The following ANO4 variants were observed in gnomAD, a reference collection of about 807,000 sequenced individuals.
ANO4 encodes anoctamin-4.
A neutral mutation model predicts 141.9 loss-of-function variants in ANO4; 69 were observed. That is an observed-to-expected ratio of 0.49 (90% CI 0.40 to 0.59). The LOEUF (loss-of-function observed/expected upper bound fraction) is 0.59. ANO4 is among the 20% of genes least tolerant of loss of function. ANO4 has a pLI of 0.00. For missense variants in ANO4, 894 were observed against 1,162.2 expected, an observed-to-expected ratio of 0.77 and a Z score of 3.36; for synonymous variants, 350 against 394.3, an observed-to-expected ratio of 0.89 and a Z score of 1.33.
chr12:101,014,539 C>T (rs181263137), intron 8 of ANO4, among the ~76,000 whole-genome samples: 1 of 152,186 alleles, frequency 6.6e-6, no homozygotes, highest in Non-Finnish European at 1.5e-5. Flanking sequence ...CACACATGCA[C>T]ACAGGCAGAC....
At chr12:101,046,937 T>C (rs1339361499) in intron 13 of ANO4, among the ~76,000 whole-genome samples, 1 of 152,174 alleles carries the variant, frequency 6.6e-6, no homozygotes, top group Non-Finnish European at 1.5e-5. Context: ...AGCTACACTT[T>C]CTAGCAACTC....
intron 1 of ANO4, among the ~76,000 whole-genome samples, chr12:100,892,351 A>G (rs1040745628): frequency 1.6e-4 from 24 of 152,218 alleles, no homozygotes; most frequent in African/African-American, 5.8e-4. Flanking sequence ...TAGATGGGCT[A>G]GTAGGGTTGA....
chr12:100,778,803 G>T (rs1397069613), intron 3 of ANO4, among the ~76,000 whole-genome samples: 3 of 152,206 alleles, frequency 2.0e-5, no homozygotes, highest in African/African-American at 7.2e-5. Context: ...AATGTTGAGA[G>T]AATTTTGCAG....
intron 1 of ANO4, among the ~76,000 whole-genome samples, chr12:100,729,360 C>CAAAAAAAAAAAAAA (rs1156522144): frequency 5.3e-4 from 12 of 22,576 alleles, no homozygotes; most frequent in Non-Finnish European, 7.5e-4. Context: ...AACTCTGTCT[C>CAAAAAAAAAAAAAA]AAAAAAAAAA....
intron 13 of ANO4, among the ~76,000 whole-genome samples, chr12:101,047,076 C>A (rs2047661798): frequency 6.6e-6 from 1 of 152,144 alleles, no homozygotes; most frequent in African/African-American, 2.4e-5. Context: ...ATGGTGAAAC[C>A]CCATCTCTAC....
At chr12:100,718,049 A>T (rs949540785) in intron 1 of ANO4, among the ~76,000 whole-genome samples, 5 of 152,206 alleles carry the variant, frequency 3.3e-5, no homozygotes, top group African/African-American at 1.2e-4. Context: ...ACATGTTTTT[A>T]ATGCAAAAAA....
chr12:100,970,727 T>G, intron 5 of ANO4, among the ~76,000 whole-genome samples: 1 of 136,322 alleles, frequency 7.3e-6, no homozygotes, highest in African/African-American at 2.8e-5. Flanking sequence ...CCTTCCTTCC[T>G]TCTTTCTTTC....
At chr12:100,926,578 T>C (rs2041879453) in intron 3 of ANO4, among the ~76,000 whole-genome samples, 2 of 151,628 alleles carry the variant, frequency 1.3e-5, no homozygotes, top group African/African-American at 4.9e-5. Flanking sequence ...GGCATTTACA[T>C]GTGAAAGTAT....
chr12:101,079,138 G>C, intron 14 of ANO4, 55 bp from the exon 15 acceptor site: 1 of 1,466,172 alleles, frequency 6.8e-7, no homozygotes, highest in Middle Eastern at 1.7e-4. Flanking sequence ...ACACAGTTAA[G>C]AGCCTTGTTT....
At chr12:100,910,428 C>A (rs74690335) in intron 2 of ANO4, among the ~76,000 whole-genome samples, 9,890 of 152,146 alleles carry the variant, frequency 0.065, 411 homozygotes, top group African/African-American at 0.074. Flanking sequence ...TGTATGGTTT[C>A]TCTTTCCTTC....
chr12:100,801,956 A>C (rs779786544), intron 1 of ANO4, among the ~76,000 whole-genome samples: 7 of 152,336 alleles, frequency 4.6e-5, no homozygotes, highest in Non-Finnish European at 8.8e-5. Flanking sequence ...TCTGCAGGGA[A>C]GGAGAGCAGT....
intron 25 of ANO4, among the ~76,000 whole-genome samples, chr12:101,118,833 C>T (rs2137048115): frequency 6.6e-6 from 1 of 151,924 alleles, no homozygotes; most frequent in South Asian, 2.1e-4. Context: ...TCATCATTTA[C>T]ATTAGGTATA....
chr12:101,070,780 A>G (rs2048778822), intron 14 of ANO4, among the ~76,000 whole-genome samples: 1 of 152,200 alleles, frequency 6.6e-6, no homozygotes, highest in South Asian at 2.1e-4. Context: ...CTGATAAGGG[A>G]TTAATAACCA....
intron 15 of ANO4, among the ~76,000 whole-genome samples, chr12:101,080,415 T>C (rs562675327): frequency 1.3e-5 from 2 of 152,284 alleles, no homozygotes; most frequent in African/African-American, 4.8e-5. Context: ...TTTTGATACA[T>C]GACACTGAGA....
At chr12:100,734,411 T>C (rs931478914) in intron 2 of ANO4, among the ~76,000 whole-genome samples, 6 of 152,210 alleles carry the variant, frequency 3.9e-5, no homozygotes, top group African/African-American at 1.4e-4. Context: ...TGAATCCTTC[T>C]TCTCCTTTCC....
intron 5 of ANO4, among the ~76,000 whole-genome samples, chr12:100,970,672 T>G (rs61217550): frequency 0.015 from 639 of 41,436 alleles, 27 homozygotes; most frequent in African/African-American, 0.076. Context: ...TCTCCTTCCT[T>G]CCTTCCTTCC....
At chr12:100,809,774 A>G (rs922020003) in intron 1 of ANO4, among the ~76,000 whole-genome samples, 5 of 152,238 alleles carry the variant, frequency 3.3e-5, no homozygotes, top group African/African-American at 1.2e-4. Flanking sequence ...TGTAGACTAC[A>G]TAACTCTGGT....
At chr12:101,090,653 C>T (rs1392126505) in intron 17 of ANO4, among the ~76,000 whole-genome samples, 1 of 151,800 alleles carries the variant, frequency 6.6e-6, no homozygotes, top group Non-Finnish European at 1.5e-5. Context: ...ATGTAAATGA[C>T]GAGTTAACGG....
In ANO4 at chr12:100,780,128, A is replaced by G. The variant is rs151253911; in HGVS notation, c.358+40023A>G. Among the ~76,000 whole-genome samples the G allele has an allele frequency of 3.2e-4, 49 of 152,060 alleles. No homozygotes were observed. The East Asian group carries it at 8.3e-3, about 26-fold the overall frequency. ...AGCCTCGAAATCCTGGACTAATGCA[A>G]TCCTCTTGCCTTAGCCTCCCCCGAG... On this transcript the variant is annotated intron_variant, in intron 3 of 29. Coordinates refer to the ANO4 transcript ENST00000644049.
Sources: allele counts gnomAD v4.1 joint callset (sites outside exome capture counted in the v4.1 genomes callset), GRCh38; gene constraint gnomAD v4.1.1; transcripts MANE v1.5; gene names NCBI Gene and HGNC (gene_info 2026-07-23, HGNC 2026-07-21).